Variants in RANBP2 observed in about 807,000 individuals in gnomAD.
The protein encoded by RANBP2 is RAN binding protein 2.
Under a neutral mutation model 303.6 loss-of-function variants are expected in RANBP2, and 57 were observed. The observed-to-expected ratio is 0.19, with a 90% CI of 0.15 to 0.23. The LOEUF (loss-of-function observed/expected upper bound fraction) is 0.23, where lower values mean the gene tolerates loss of function less well. Among genes scored for constraint, RANBP2 ranks in the 10% least tolerant of loss-of-function variants. RANBP2 has a pLI of 1.00. For missense variants in RANBP2, 3,138 were observed against 3,780.8 expected (o/e 0.83, Z 4.46); for synonymous variants, 1,167 against 1,301.5 (o/e 0.90, Z 2.23).
the RANBP2 span, among the ~76,000 whole-genome samples, chr2:109,582,016 T>C: frequency 6.6e-6 from 1 of 152,100 alleles, no homozygotes; most frequent in Non-Finnish European, 1.5e-5. Flanking sequence ...GCAGCATTTC[T>C]GTATATCAAT....
chr2:109,366,720 G>A, the RANBP2 span, among the ~76,000 whole-genome samples: 1 of 152,156 alleles, frequency 6.6e-6, no homozygotes, highest in Non-Finnish European at 1.5e-5. Flanking sequence ...GCGTGTGGTG[G>A]CACACGCCTG....
chr2:109,189,557 C>G, the RANBP2 span, among the ~76,000 whole-genome samples: 1 of 151,710 alleles, frequency 6.6e-6, no homozygotes, highest in African/African-American at 2.4e-5. Context: ...TTAGTAGAAG[C>G]GGGGTTTCAC....
the RANBP2 span, among the ~76,000 whole-genome samples, chr2:108,873,960 A>G: frequency 6.6e-6 from 1 of 152,184 alleles, no homozygotes. Flanking sequence ...ATTCATAAAT[A>G]CTAACGCTGA....
At chr2:109,133,172 AGGG>A in the RANBP2 span, among the ~76,000 whole-genome samples, 1 of 152,228 alleles carries the variant, frequency 6.6e-6, no homozygotes, top group African/African-American at 2.4e-5. Context: ...GAATTCTGTG[AGGG>A]TTACAAGGAA....
At chr2:109,470,483 G>A in the RANBP2 span, among the ~76,000 whole-genome samples, 11 of 152,190 alleles carry the variant, frequency 7.2e-5, no homozygotes, top group Admixed American at 5.2e-4. Flanking sequence ...GTTGCCCTCT[G>A]GTCATTCACT....
chr2:109,401,546 G>T, the RANBP2 span, among the ~76,000 whole-genome samples: 18 of 152,204 alleles, frequency 1.2e-4, no homozygotes, highest in Non-Finnish European at 2.1e-4. Context: ...CCTGTAATTT[G>T]TGAGTAATAT....
At chr2:109,315,874 C>T in the RANBP2 span, among the ~76,000 whole-genome samples, 4 of 152,192 alleles carry the variant, frequency 2.6e-5, no homozygotes, top group African/African-American at 9.6e-5. Flanking sequence ...GCATCAAAGC[C>T]ACCAGTTCCC....
the RANBP2 span, among the ~76,000 whole-genome samples, chr2:109,433,955 GCTT>G: frequency 6.6e-6 from 1 of 152,258 alleles, no homozygotes; most frequent in Admixed American, 6.5e-5. Context: ...GCCTCCTGCG[GCTT>G]CTTCAGTGGT....
At chr2:109,003,654 G>C in the RANBP2 span, among the ~76,000 whole-genome samples, 1 of 151,992 alleles carries the variant, frequency 6.6e-6, no homozygotes, top group African/African-American at 2.4e-5. Context: ...CAAGTGATCT[G>C]CCCACCTCGG....
intron 24 of RANBP2, among the ~76,000 whole-genome samples, chr2:108,776,769 C>T (rs1186185627): frequency 6.6e-6 from 1 of 152,128 alleles, no homozygotes; most frequent in Non-Finnish European, 1.5e-5. Flanking sequence ...AGTTTTTATA[C>T]AGATGTTTCC....
the RANBP2 span, chr2:109,615,998 G>C: frequency 1.9e-6 from 3 of 1,540,480 alleles, no homozygotes; most frequent in East Asian, 6.8e-5. Context: ...AGGAGGGAGT[G>C]GGGGAGGAAC....
At chr2:109,620,439 C>T in the RANBP2 span, among the ~76,000 whole-genome samples, 3 of 152,288 alleles carry the variant, frequency 2.0e-5, no homozygotes, top group Non-Finnish European at 2.9e-5. Flanking sequence ...TGGTGGCTCA[C>T]GCATGTAATC....
the RANBP2 span, among the ~76,000 whole-genome samples, chr2:109,624,196 A>C: frequency 6.6e-6 from 1 of 152,180 alleles, no homozygotes; most frequent in South Asian, 2.1e-4. Context: ...TGCTCCAGGG[A>C]GGGGTGGCAG....
At chr2:108,932,389 C>T in the RANBP2 span, among the ~76,000 whole-genome samples, 2 of 151,606 alleles carry the variant, frequency 1.3e-5, no homozygotes, top group Non-Finnish European at 2.9e-5. Context: ...ATTACCCGGG[C>T]ATGGTGGTGG....
chr2:109,625,087 C>CAAA, the RANBP2 span, among the ~76,000 whole-genome samples: 699 of 59,200 alleles, frequency 0.012, 1 homozygote, highest in East Asian at 0.018. Flanking sequence ...ACAACAACAA[C>CAAA]AAAAAAAAAA....
At chr2:109,680,642 C>T in the RANBP2 span, among the ~76,000 whole-genome samples, 3 of 152,182 alleles carry the variant, frequency 2.0e-5, no homozygotes, top group African/African-American at 4.8e-5. Context: ...TTTCCCCTGG[C>T]GCTGAGCTGA....
the RANBP2 span, among the ~76,000 whole-genome samples, chr2:108,822,392 A>C: frequency 1.3e-5 from 2 of 152,168 alleles, no homozygotes; most frequent in African/African-American, 4.8e-5. Flanking sequence ...CAGATAGAAT[A>C]ACTAGACAGA....
At chr2:109,628,362 C>T in the RANBP2 span, among the ~76,000 whole-genome samples, 1 of 152,090 alleles carries the variant, frequency 6.6e-6, no homozygotes. Flanking sequence ...GGTGTGGTGG[C>T]TTGCGCCTGT....
At chr2:109,056,748 A>G in the RANBP2 span, among the ~76,000 whole-genome samples, 1 of 152,188 alleles carries the variant, frequency 6.6e-6, no homozygotes, top group African/African-American at 2.4e-5. Context: ...GTGGTTCAAC[A>G]CTGGTCTCCT....
Sources: gnomAD v4.1 joint callset for allele counts (sites outside exome capture counted in the v4.1 genomes callset) on GRCh38, gnomAD v4.1.1 for gene constraint, MANE v1.5 for transcripts, NCBI Gene and HGNC (gene_info 2026-07-23, HGNC 2026-07-21) for gene names.